Variants in GRM5 observed in about 807,000 individuals in gnomAD.
The protein encoded by GRM5 is glutamate metabotropic receptor 5.
A neutral mutation model predicts 83.1 loss-of-function variants in GRM5; 19 were observed. The observed-to-expected ratio is 0.23, with a 90% CI of 0.16 to 0.34. GRM5 has a LOEUF of 0.34. Among genes scored for constraint, GRM5 ranks in the 10% least tolerant of loss-of-function variants. The pLI is 1.00. For synonymous variants in GRM5, 675 were observed against 633.6 expected (o/e 1.07, Z -0.98); for missense variants, 1,160 against 1,588.3 (o/e 0.73, Z 4.58).
At chr11:88,514,023 C>T (rs547603817) in intron 9 of GRM5, among the ~76,000 whole-genome samples, 2 of 152,010 alleles carry the variant, frequency 1.3e-5, no homozygotes, top group East Asian at 1.9e-4. Context: ...ATCTATGGCA[C>T]GTCACCTTCC....
intron 3 of GRM5, among the ~76,000 whole-genome samples, chr11:88,800,279 T>C (rs370196972): frequency 2.0e-5 from 3 of 152,128 alleles, no homozygotes; most frequent in Admixed American, 1.3e-4. Flanking sequence ...GCAGTTCTTA[T>C]GTAGGACTCT....
At chr11:88,859,496 T>C (rs1368299788) in intron 2 of GRM5, among the ~76,000 whole-genome samples, 1 of 152,132 alleles carries the variant, frequency 6.6e-6, no homozygotes, top group Admixed American at 6.6e-5. Context: ...TCACTCCAAA[T>C]GTGTTATTAT....
At chr11:88,751,403 G>A (rs376129210) in intron 3 of GRM5, among the ~76,000 whole-genome samples, 14 of 151,900 alleles carry the variant, frequency 9.2e-5, no homozygotes, top group Admixed American at 8.5e-4. Flanking sequence ...AGACTGAACC[G>A]GGGAGAAACT....
chr11:88,886,832 T>A (rs187479979), intron 2 of GRM5, among the ~76,000 whole-genome samples: 114 of 152,272 alleles, frequency 7.5e-4, no homozygotes, highest in African/African-American at 2.3e-3. Context: ...AGGGAGGTAA[T>A]CTTGTTTGGC....
At chr11:89,028,839 T>A (rs1213557854) in intron 2 of GRM5, among the ~76,000 whole-genome samples, 3 of 152,134 alleles carry the variant, frequency 2.0e-5, no homozygotes, top group African/African-American at 7.2e-5. Context: ...AACATGAAGG[T>A]TTGTTACATA....
intron 2 of GRM5, among the ~76,000 whole-genome samples, chr11:89,036,056 A>C (rs937482796): frequency 6.6e-6 from 1 of 152,034 alleles, no homozygotes; most frequent in African/African-American, 2.4e-5. Flanking sequence ...TTGAAAATGT[A>C]AAAAAGAATT....
chr11:88,695,561 G>T (rs1324009367), intron 3 of GRM5, among the ~76,000 whole-genome samples: 7 of 152,126 alleles, frequency 4.6e-5, no homozygotes, highest in Non-Finnish European at 8.8e-5. Flanking sequence ...CATTGCCAAA[G>T]AAACATTCAT....
intron 3 of GRM5, among the ~76,000 whole-genome samples, chr11:88,772,714 C>T (rs186528784): frequency 0.011 from 1,628 of 152,092 alleles, 30 homozygotes; most frequent in African/African-American, 0.037. Context: ...GTTTTCTGTC[C>T]GAGCGATAGT....
intron 2 of GRM5, among the ~76,000 whole-genome samples, chr11:88,957,217 G>A (rs1359520028): frequency 2.0e-5 from 3 of 152,128 alleles, no homozygotes; most frequent in African/African-American, 7.2e-5. Context: ...GGATGCTTCC[G>A]ATGAAAAAAC....
intron 3 of GRM5, among the ~76,000 whole-genome samples, chr11:88,654,776 C>T (rs1939725126): frequency 1.3e-5 from 2 of 151,950 alleles, no homozygotes; most frequent in Admixed American, 6.6e-5. Flanking sequence ...TTGCCCTTAA[C>T]ATTTTTTTTT....
chr11:88,651,491 A>T (rs868677480), intron 4 of GRM5, among the ~76,000 whole-genome samples: 4 of 152,058 alleles, frequency 2.6e-5, no homozygotes, highest in African/African-American at 9.7e-5. Context: ...AGGACATATG[A>T]TCCCCAAATC....
intron 3 of GRM5, among the ~76,000 whole-genome samples, chr11:88,838,121 C>T (rs1944127733): frequency 1.5e-5 from 2 of 130,138 alleles, no homozygotes; most frequent in Non-Finnish European, 3.3e-5. Context: ...ATATAAGTAA[C>T]GTCTCTGAGT....
Position 88,826,798 on chromosome 11 carries a change from G to C in GRM5, c.911+23108C>G, listed in dbSNP as rs888302578. On this transcript the variant is annotated intron_variant, in intron 3 of 9. Coordinates refer to ENST00000305447, the MANE Select transcript of GRM5 (RefSeq NM_001143831.3). Reference sequence around the variant, plus strand: ...CCCTTTATCTACTTAAAAATCACAAGACTATGTAGACTTTTAGGAATAAAA... The same window carrying C: ...CCCTTTATCTACTTAAAAATCACAACACTATGTAGACTTTTAGGAATAAAA... 1.3e-5 allele frequency among the ~76,000 whole-genome samples: 2 copies of C among 152,048 alleles called. 1 individual carries two copies. The highest frequency in any genetic ancestry group is 1.3e-4 in the Admixed American group (2 of 15,262).
chr11:88,788,020 A>C (rs1943105967), intron 3 of GRM5, among the ~76,000 whole-genome samples: 1 of 152,120 alleles, frequency 6.6e-6, no homozygotes. Flanking sequence ...CTAGGTCAGC[A>C]GTTGGCAAAA....
intron 8 of GRM5, among the ~76,000 whole-genome samples, chr11:88,528,436 C>T (rs1375752986): frequency 6.6e-6 from 1 of 151,884 alleles, no homozygotes; most frequent in Non-Finnish European, 1.5e-5. Flanking sequence ...ATGTGCTGTT[C>T]AAAATTACTA....
At chr11:89,062,975 G>GAACT (rs1191027467) in intron 1 of GRM5, among the ~76,000 whole-genome samples, 4 of 152,264 alleles carry the variant, frequency 2.6e-5, no homozygotes, top group Non-Finnish European at 4.4e-5. Flanking sequence ...GGCTCAGGCT[G>GAACT]GTGTTCAAAG....
At chr11:88,923,544 C>T (rs1945730121) in intron 2 of GRM5, among the ~76,000 whole-genome samples, 1 of 151,656 alleles carries the variant, frequency 6.6e-6, no homozygotes, top group African/African-American at 2.4e-5. Context: ...TTACCAGAAG[C>T]TGGGAAGTGT....
intron 2 of GRM5, among the ~76,000 whole-genome samples, chr11:89,023,980 CTT>C (rs1941061462): frequency 6.6e-6 from 1 of 152,080 alleles, no homozygotes. Flanking sequence ...AATCCCAGCA[CTT>C]TGAGAGATGG....
intron 2 of GRM5, among the ~76,000 whole-genome samples, chr11:88,890,789 T>C (rs1327776135): frequency 6.6e-6 from 1 of 152,132 alleles, no homozygotes; most frequent in African/African-American, 2.4e-5. Context: ...GCCTGGTACA[T>C]AATTAAAATT....
Sources: allele counts gnomAD v4.1 joint callset (sites outside exome capture counted in the v4.1 genomes callset), GRCh38; gene constraint gnomAD v4.1.1; transcripts MANE v1.5; gene names NCBI Gene and HGNC (gene_info 2026-07-23, HGNC 2026-07-21).